RASSF3: variants seen among roughly 807,000 people sequenced by gnomAD.
The protein encoded by RASSF3 is ras association domain-containing protein 3.
Under a neutral mutation model 19.9 loss-of-function variants are expected in RASSF3, and 19 were observed. That is an observed-to-expected ratio of 0.96 (90% confidence interval 0.67 to 1.40). The LOEUF (loss-of-function observed/expected upper bound fraction) is 1.40. Among genes scored for constraint, RASSF3 ranks in the 40% most tolerant of loss-of-function variants. The pLI, the probability that RASSF3 is intolerant of heterozygous loss-of-function variation, is 0.00. For synonymous variants in RASSF3, 110 were observed against 104.2 expected (o/e 1.06, Z -0.34); for missense variants, 306 against 289.8 (o/e 1.06, Z -0.41).
chr12:64,608,550 T>A (rs976783361), upstream of RASSF3, among the ~76,000 whole-genome samples: 12 of 151,990 alleles, frequency 7.9e-5, no homozygotes, highest in Admixed American at 2.6e-4. Context: ...TGACCTCAAG[T>A]GATCCACCCG....
intron 2 of RASSF3, among the ~76,000 whole-genome samples, chr12:64,599,637 G>A (rs1277022704): frequency 1.3e-5 from 2 of 152,164 alleles, no homozygotes; most frequent in East Asian, 3.9e-4. Context: ...GAACGTGGGA[G>A]CTCGGGCTGC....
intron 1 of RASSF3, among the ~76,000 whole-genome samples, chr12:64,665,141 A>T (rs1327310882): frequency 1.3e-5 from 2 of 152,184 alleles, no homozygotes; most frequent in Non-Finnish European, 2.9e-5. Flanking sequence ...GCGCAGTGGA[A>T]GGTTCTAGGA....
intron 2 of RASSF3, among the ~76,000 whole-genome samples, chr12:64,563,197 A>G (rs926035355): frequency 4.8e-5 from 7 of 145,526 alleles, no homozygotes; most frequent in African/African-American, 7.7e-5. Context: ...ATGGAGCTTC[A>G]TTCTTGTTGC....
chr12:64,563,236 G>A (rs530538346), intron 2 of RASSF3, among the ~76,000 whole-genome samples: 4 of 150,546 alleles, frequency 2.7e-5, no homozygotes, highest in South Asian at 2.1e-4. Context: ...GCGTGATCTC[G>A]GCTTACTACA....
intron 1 of RASSF3, among the ~76,000 whole-genome samples, chr12:64,625,325 G>A (rs1870948620): frequency 6.6e-6 from 1 of 152,026 alleles, no homozygotes; most frequent in African/African-American, 2.4e-5. Flanking sequence ...CTAATCACAA[G>A]TCTTTCCCAA....
intron 2 of RASSF3, among the ~76,000 whole-genome samples, chr12:64,597,646 TG>T (rs1484284262): frequency 6.6e-6 from 1 of 150,996 alleles, no homozygotes; most frequent in Non-Finnish European, 1.5e-5. Context: ...TTAGTAGAGA[TG>T]GGGTTTCACC....
chr12:64,616,223 A>G (rs1870546569), intron 1 of RASSF3, among the ~76,000 whole-genome samples: 1 of 152,182 alleles, frequency 6.6e-6, no homozygotes, highest in East Asian at 1.9e-4. Context: ...TTTGAGTAGT[A>G]TACTCCTTAT....
intron 1 of RASSF3, chr12:64,507,370 T>A: frequency 2.5e-6 from 1 of 398,516 alleles, no homozygotes; most frequent in Non-Finnish European, 4.4e-6. Context: ...AAATCCGTTT[T>A]TTTGTGTGTG....
In RASSF3 at chr12:64,684,850, C is replaced by G. The variant is rs1390475359; in HGVS notation, c.175C>G (p.His59Asp). ...CAAAGAGGAGATCAAAGAGAAAGTT[C>G]ATAAATACAACTTAGCAGTCACAGA... ...LSKEEIKEKV[H>D]KYNLAVTDKL... The change falls in exon 2 of 5, where the codon CAT becomes GAT. Residue 59 changes from histidine to aspartate, a missense_variant. Coordinates refer to ENST00000542104, the MANE Select transcript of RASSF3 (RefSeq NM_178169.4). 5 of 1,613,480 alleles carry G rather than the reference C, an allele frequency of 3.1e-6. No individual in the cohort carries two copies. The highest frequency in any genetic ancestry group is 3.3e-5 in the Admixed American group (2 of 59,994).
At chr12:64,535,533 T>G (rs1226473840) in intron 1 of RASSF3, among the ~76,000 whole-genome samples, 1 of 151,884 alleles carries the variant, frequency 6.6e-6, no homozygotes, top group Non-Finnish European at 1.5e-5. Context: ...TCAGCTAATT[T>G]TTTGTATTTT....
intron 1 of RASSF3, among the ~76,000 whole-genome samples, chr12:64,660,801 T>C (rs555457087): frequency 6.6e-6 from 1 of 152,332 alleles, no homozygotes; most frequent in Non-Finnish European, 1.5e-5. Flanking sequence ...TTTGTTCTGC[T>C]GACTTGTCTC....
rs757094571 is a variant in RASSF3 at position 64,688,452 on chromosome 12, A to G, written c.456A>G (p.Gln152=). The G allele has an allele frequency of 1.2e-6, 2 of 1,604,852 alleles. No individual in the cohort carries two copies. Among genetic ancestry groups the G allele is most frequent in the East Asian group, 4.5e-5 (2 of 44,824 alleles). ...ATAAGCGTTGTCACAGGGAAGACCA[A>G]GGTACGCTGCCAGCTTAAAAGGAAA... ...ALYKRCHRED[Q]VYACKLSDRE... The change falls in exon 3 of 5, where the codon CAA becomes CAG. Residue 152 remains glutamine, a splice_region_variant and synonymous_variant. Coordinates refer to ENST00000542104, the MANE Select transcript of RASSF3 (RefSeq NM_178169.4).
In RASSF3 at chr12:64,581,298, G is replaced by A. The variant is rs536940365; in HGVS notation, c.294+39593G>A. ...TCTGACTGTTGGCAGGGCTATCAGA[G>A]AAGAATTTATTAGAACTCTACACGT... On this transcript the variant is annotated intron_variant, in intron 2 of 5. Transcript: ENST00000637125. 7.2e-5 allele frequency among the ~76,000 whole-genome samples: 11 copies of A among 152,316 alleles called. No individual in the cohort carries two copies. In the South Asian group the frequency reaches 2.1e-3, roughly 29 times the overall value.
intron 2 of RASSF3, among the ~76,000 whole-genome samples, chr12:64,587,661 C>A (rs1352067512): frequency 6.6e-6 from 1 of 152,158 alleles, no homozygotes; most frequent in East Asian, 1.9e-4. Context: ...CATATGCATC[C>A]AATGCAGAGG....
chr12:64,552,855 C>T (rs1869188457), intron 2 of RASSF3, among the ~76,000 whole-genome samples: 1 of 151,738 alleles, frequency 6.6e-6, no homozygotes, highest in Admixed American at 6.6e-5. Context: ...TCGCTCTTGT[C>T]ACCCAGGCTG....
chr12:64,571,332 A>C (rs1869515228), intron 2 of RASSF3, among the ~76,000 whole-genome samples: 1 of 152,180 alleles, frequency 6.6e-6, no homozygotes, highest in East Asian at 1.9e-4. Flanking sequence ...TCCTTAGACA[A>C]AGAAGAGGGG....
intron 2 of RASSF3, among the ~76,000 whole-genome samples, chr12:64,586,986 C>T (rs1017656484): frequency 6.6e-6 from 1 of 151,802 alleles, no homozygotes; most frequent in Non-Finnish European, 1.5e-5. Context: ...AAGTCAAATG[C>T]TCTATCTCCA....
intron 1 of RASSF3, among the ~76,000 whole-genome samples, chr12:64,523,178 G>A (rs1868513874): frequency 6.6e-6 from 1 of 152,206 alleles, no homozygotes; most frequent in African/African-American, 2.4e-5. Flanking sequence ...GACTGAGGCA[G>A]GCAGATCACC....
intron 1 of RASSF3, among the ~76,000 whole-genome samples, chr12:64,638,083 G>C (rs1214235274): frequency 6.6e-6 from 1 of 152,042 alleles, no homozygotes; most frequent in African/African-American, 2.4e-5. Flanking sequence ...GCCCACCTCA[G>C]CTGCCCAAAG....
Sources: allele counts gnomAD v4.1 joint callset (sites outside exome capture counted in the v4.1 genomes callset), GRCh38; gene constraint gnomAD v4.1.1; transcripts MANE v1.5; gene names NCBI Gene and HGNC (gene_info 2026-07-23, HGNC 2026-07-21).